PODN: variants seen among roughly 807,000 people sequenced by gnomAD.
PODN encodes podocan.
Under a neutral mutation model 52.7 loss-of-function variants are expected in PODN, and 40 were observed. The ratio of observed to expected loss-of-function variants is 0.76; its 90% CI spans 0.59 to 0.99. The LOEUF is 0.99. Ranked by LOEUF, PODN falls within the 50% of genes least tolerant of loss-of-function variation. PODN has a pLI of 0.00. For missense variants in PODN, 720 were observed against 815.1 expected (o/e 0.88, Z 1.42); for synonymous variants, 396 against 377.9 (o/e 1.05, Z -0.56).
Position 53,075,976 on chromosome 1 carries a change from G to A in PODN, c.581+5G>A. On this transcript the variant is annotated splice_donor_5th_base_variant and intron_variant, in intron 5 of 10. Coordinates refer to ENST00000312553, the MANE Select transcript of PODN (RefSeq NM_153703.5). ...TGGCCAGAAGCCAAACTTGAGGTCA[G>A]AGGTCGGGGGTGGTCAGGGCTCGGG... 1 of 1,573,140 alleles carries A rather than the reference G, an allele frequency of 6.4e-7. No homozygotes were observed. Among genetic ancestry groups the A allele is most frequent in the Non-Finnish European group, 8.6e-7 (1 of 1,156,076 alleles).
chr1:53,078,968 A>G lies in PODN; in HGVS notation c.1458A>G (p.Arg486=). Residue 486 remains arginine (R), a synonymous_variant, in exon 8 of 11, where the codon CGA becomes CGG. Transcript: ENST00000312553. ...GTGAGCTGTACCTCACCAGCAACCG[A>G]CTGCGCAGCCGAGCCCTGGGCCCCC... ...QLRELYLTSN[R]LRSRALGPRA... is the part of the protein sequence containing the mutation. The G allele has an allele frequency of 6.3e-7, 1 of 1,578,490 alleles. No homozygotes were observed. The highest frequency in any genetic ancestry group is 8.6e-7 in the Non-Finnish European group (1 of 1,162,768).
intron 3 of PODN, chr1:53,072,997 G>T (rs12145611): frequency 9.2e-6 from 2 of 216,934 alleles, no homozygotes; most frequent in Admixed American, 8.3e-5. Flanking sequence ...GGGAGGCGGA[G>T]GTTGCAGTGA....
At chr1:53,070,339 G>T (rs113972333) in intron 2 of PODN, among the ~76,000 whole-genome samples, 172 bp downstream of exon 2, 1 of 152,190 alleles carries the variant, frequency 6.6e-6, no homozygotes, top group African/African-American at 2.4e-5. Flanking sequence ...GGCCCTGGCC[G>T]CACCAGGTGA....
rs1572284149 is a variant in PODN at position 53,084,984 on chromosome 1, C to T, written c.*499C>T. 1 of 152,452 alleles carries T rather than the reference C, an allele frequency of 6.6e-6. No homozygotes were observed. Among genetic ancestry groups the T allele is most frequent in the Non-Finnish European group, 1.5e-5 (1 of 68,174 alleles). The allele number at this position is 152,452 out of a possible 1,614,324, so 9.4% of individuals were successfully genotyped here. A position where few individuals can be genotyped will look rare whatever the true frequency, so the allele number is the denominator to read the frequency against. ...AGAATCAGCCATAGCAGCTCGCCGTCTGCCCTGTCCATCTGTCCGTCCGTT... is the reference window on the plus strand; with the variant it reads ...AGAATCAGCCATAGCAGCTCGCCGTTTGCCCTGTCCATCTGTCCGTCCGTT... On this transcript the variant is annotated 3_prime_UTR_variant, in exon 11 of 11. Coordinates refer to ENST00000312553, the MANE Select transcript of PODN (RefSeq NM_153703.5).
chr1:53,077,607 C>G, intron 6 of PODN, 78 bp from the exon 7 acceptor site: 1 of 1,403,712 alleles, frequency 7.1e-7, no homozygotes, highest in Non-Finnish European at 9.8e-7. Flanking sequence ...CCAGACTCCT[C>G]TCCACACCTC....
chr1:53,081,830 G>A, intron 9 of PODN, 151 bp from the exon 10 acceptor site: 4 of 1,179,742 alleles, frequency 3.4e-6, no homozygotes, highest in Non-Finnish European at 4.6e-6. Flanking sequence ...ATCATGTACT[G>A]CGCTCTCAGC....
chr1:53,063,394 T>C (rs1230933058), intron 1 of PODN: 6 of 985,650 alleles, frequency 6.1e-6, no homozygotes, highest in Non-Finnish European at 7.2e-6. Flanking sequence ...TGGTCTGCCC[T>C]GCTCCACGAG....
At chr1:53,063,639 C>A in intron 1 of PODN, 1 of 931,154 alleles carries the variant, frequency 1.1e-6, no homozygotes, top group Non-Finnish European at 1.3e-6. Flanking sequence ...TCCCTCATGT[C>A]CACTCTTAGG....
intron 8 of PODN, among the ~76,000 whole-genome samples, chr1:53,080,465 A>G (rs1460320548): frequency 6.6e-6 from 1 of 152,200 alleles, no homozygotes; most frequent in African/African-American, 2.4e-5. Flanking sequence ...GCTGGGTAGG[A>G]CGTTCATCAA....
In PODN at chr1:53,074,598, C is replaced by G. The variant is rs373706774; in HGVS notation, c.407-8C>G. On this transcript the variant is annotated splice_region_variant and splice_polypyrimidine_tract_variant and intron_variant, in intron 3 of 10. Transcript: ENST00000312553. Reference sequence around the variant, plus strand: ...TCCAGGGCTCTGACCGATGCCTGTCCTTTGAAGGGCTCCCAGAGAAGGCGT... The same window carrying G: ...TCCAGGGCTCTGACCGATGCCTGTCGTTTGAAGGGCTCCCAGAGAAGGCGT... The G allele has an allele frequency of 3.1e-6, 5 of 1,614,006 alleles. No individual in the cohort carries two copies. In the South Asian group the frequency reaches 4.4e-5, roughly 14 times the overall value.
At chr1:53,068,721 T>G (rs1281693329) in intron 1 of PODN, among the ~76,000 whole-genome samples, 3 of 152,164 alleles carry the variant, frequency 2.0e-5, no homozygotes, top group Non-Finnish European at 4.4e-5. Context: ...GCTACCAGCA[T>G]GTCTTATCAG....
At chr1:53,070,195 CG>C in intron 2 of PODN, 28 bp downstream of exon 2, 4 of 1,598,278 alleles carry the variant, frequency 2.5e-6, no homozygotes, top group Non-Finnish European at 2.5e-6. Context: ...CCTGTGGTCA[CG>C]GGGGCTGTCC....
At chr1:53,081,636 C>T (rs986092186) in intron 9 of PODN, among the ~76,000 whole-genome samples, 8 of 152,218 alleles carry the variant, frequency 5.3e-5, no homozygotes, top group Non-Finnish European at 1.0e-4. Flanking sequence ...CCCCTGGCTA[C>T]CGCAGCCCAG....
At position 53,075,867 on chromosome 1, in the gene PODN, C is replaced by G; in HGVS notation, c.477C>G (p.Thr159=). 1 of 1,596,606 alleles carries G rather than the reference C, an allele frequency of 6.3e-7. No homozygotes were observed. The highest frequency in any genetic ancestry group is 8.5e-7 in the Non-Finnish European group (1 of 1,169,728). ...NYLYLANNKL[T]LAPRFLPNAL... Reference sequence around the variant, plus strand: ...CCCAACTCTTCCCTTCCCAGCTGACCTTGGCACCCCGCTTCCTGCCAAACG... The same window carrying G: ...CCCAACTCTTCCCTTCCCAGCTGACGTTGGCACCCCGCTTCCTGCCAAACG... Residue 159 remains threonine, a synonymous_variant, in exon 5 of 11, where the codon ACC becomes ACG. Transcript: ENST00000312553.
In PODN at chr1:53,077,318, C is replaced by T. The variant is rs1415464100; in HGVS notation, c.710C>T (p.Pro237Leu). 11 of 1,613,158 alleles carry T rather than the reference C, an allele frequency of 6.8e-6. No individual in the cohort carries two copies. Among genetic ancestry groups the T allele is most frequent in the African/African-American group, 6.7e-5 (5 of 74,958 alleles). Reference sequence around the variant, plus strand: ...CTGCGCCACGTGCCCAAGCACCTGCCGCCTGCCCTGTACAAGCTGCACCTC... The same window carrying T: ...CTGCGCCACGTGCCCAAGCACCTGCTGCCTGCCCTGTACAAGCTGCACCTC... ...NFLRHVPKHL[P>L]PALYKLHLKN... Residue 237 changes from proline to leucine, a missense_variant, in exon 6 of 11, where the codon CCG (proline) becomes CTG (leucine). Pro to Leu is a moderately conservative substitution (Grantham distance 98). Transcript: ENST00000312553.
intron 3 of PODN, chr1:53,073,489 C>T (rs906604250): frequency 6.6e-6 from 1 of 152,208 alleles, no homozygotes; most frequent in Non-Finnish European, 1.5e-5. Context: ...TTTCTAAGAC[C>T]TGGGGGATGC....
intron 7 of PODN, 68 bp downstream of exon 7, chr1:53,077,868 A>G: frequency 7.4e-7 from 1 of 1,352,582 alleles, no homozygotes; most frequent in Non-Finnish European, 1.0e-6. Flanking sequence ...AGGGCCAACC[A>G]TCCAGCCCAG....
chr1:53,082,941 C>G (rs555455401), intron 10 of PODN, among the ~76,000 whole-genome samples: 1 of 152,224 alleles, frequency 6.6e-6, no homozygotes, highest in Admixed American at 6.5e-5. Context: ...TACATGCACA[C>G]CTGCATGCAC....
In PODN at chr1:53,062,239, G is replaced by A; in HGVS notation, c.-125G>A. 1 of 1,274,626 alleles carries A rather than the reference G, an allele frequency of 7.8e-7. No homozygotes were observed. The highest frequency in any genetic ancestry group is 3.8e-5 in the South Asian group (1 of 26,218). 79.0% of individuals were successfully genotyped at this position (1,274,626 alleles called of 1,614,324 possible). The stretch of plus-strand genomic sequence containing the variant: ...ACTTGAATGGAAGGAGCCCGAGCCC[G>A]CGGAGCGCAGCTGAGACTGGGGGAG... On this transcript the variant is annotated 5_prime_UTR_variant, in exon 1 of 11. Transcript: ENST00000312553.
Sources: gnomAD v4.1 joint callset for allele counts (sites outside exome capture counted in the v4.1 genomes callset) on GRCh38, gnomAD v4.1.1 for gene constraint, MANE v1.5 for transcripts, NCBI Gene and HGNC (gene_info 2026-07-23, HGNC 2026-07-21) for gene names.